The following DSTYK variants were observed in gnomAD, a reference collection of about 807,000 sequenced individuals.
DSTYK encodes RIP-homologous kinase.
DSTYK carries 34 observed loss-of-function variants against 98.7 expected under a neutral mutation model. The observed-to-expected ratio is 0.34, with a 90% CI of 0.26 to 0.46. The LOEUF (loss-of-function observed/expected upper bound fraction) is 0.46. Among genes scored for constraint, DSTYK ranks in the 20% least tolerant of loss-of-function variants. The pLI is 1.00. For synonymous variants in DSTYK, 462 were observed against 457.3 expected (o/e 1.01, Z -0.13); for missense variants, 962 against 1,181.7 (o/e 0.81, Z 2.73).
intron 1 of DSTYK, among the ~76,000 whole-genome samples, chr1:205,210,347 C>T (rs1431257719): frequency 1.3e-5 from 2 of 152,096 alleles, no homozygotes; most frequent in Non-Finnish European, 2.9e-5. Flanking sequence ...GTTTGAGAAT[C>T]ACTAAATTAA....
intron 9 of DSTYK, among the ~76,000 whole-genome samples, chr1:205,158,234 G>A (rs986162587): frequency 2.6e-5 from 4 of 152,156 alleles, no homozygotes; most frequent in Admixed American, 2.0e-4. Flanking sequence ...AAGCTGCTTG[G>A]AGAGTCATTT....
In DSTYK at chr1:205,163,884, C is replaced by T. The variant is rs765138099; in HGVS notation, c.1396G>A (p.Glu466Lys). The T allele has an allele frequency of 1.2e-6, 2 of 1,614,006 alleles. No homozygotes were observed. Among genetic ancestry groups the T allele is most frequent in the Admixed American group, 3.3e-5 (2 of 59,974 alleles). ...EIKCCIRQIQELIISRLNQAV... is the reference protein window; with the variant it reads ...EIKCCIRQIQKLIISRLNQAV... ...TGATTAAGTCGGGAGATGATGAGTT[C>T]CTGGATCTGTCGGATGCAGCATTTG... Residue 466 changes from glutamate (E) to lysine (K), a missense_variant, in exon 4 of 13, where the codon GAA (glutamate) becomes AAA (lysine). Coordinates refer to ENST00000367162, the MANE Select transcript of DSTYK (RefSeq NM_015375.3).
intron 2 of DSTYK, among the ~76,000 whole-genome samples, chr1:205,179,884 T>C (rs1658345702): frequency 6.6e-6 from 1 of 152,032 alleles, no homozygotes; most frequent in Non-Finnish European, 1.5e-5. Flanking sequence ...ACCCCATCCA[T>C]CCTCTACTCA....
At chr1:205,170,527 T>G (rs1424990139) in intron 2 of DSTYK, among the ~76,000 whole-genome samples, 1 of 152,210 alleles carries the variant, frequency 6.6e-6, no homozygotes, top group Non-Finnish European at 1.5e-5. Flanking sequence ...TCCTAAATAC[T>G]GTTGAATTAA....
chr1:205,174,044 T>C lies in DSTYK; in HGVS notation c.655-4212A>G, dbSNP rs550719539. On this transcript the variant is annotated intron_variant, in intron 2 of 12. Transcript: ENST00000367162. ...CCAATACTGTTTTTAAGAGACCAGC[T>C]GACTTTATTTGCTCATAGGTGTAAA... Among the ~76,000 whole-genome samples, 6 of 152,116 alleles carry C rather than the reference T, an allele frequency of 3.9e-5. No homozygotes were observed. In the East Asian group the frequency reaches 5.9e-4, roughly 15 times the overall value.
rs1268522260 is a variant in DSTYK at position 205,150,920 on chromosome 1, G to A, written c.2353-126C>T. 6.6e-6 allele frequency: 5 copies of A among 754,862 alleles called. No individual in the cohort carries two copies. Among genetic ancestry groups the A allele is most frequent in the Non-Finnish European group, 1.1e-5 (5 of 439,812 alleles). 46.8% of individuals were successfully genotyped at this position (754,862 alleles called of 1,614,324 possible). On this transcript the variant is annotated intron_variant, in intron 10 of 12. Transcript: ENST00000367162. This position sits in a 1 kb window ranked among gnomAD's most constrained non-coding sequence, Gnocchi z 4.1. ...GGATAGGATTATGCTCTGAAAATGA[G>A]TTGTCAGGTGATTTCATCCTTGTAC... is the stretch of plus-strand genomic sequence containing the variant.
chr1:205,158,327 C>T (rs1340796869), intron 9 of DSTYK, among the ~76,000 whole-genome samples: 1 of 152,136 alleles, frequency 6.6e-6, no homozygotes, highest in African/African-American at 2.4e-5. Flanking sequence ...TCCATATAAA[C>T]TGGTCCAAGA....
intron 9 of DSTYK, among the ~76,000 whole-genome samples, chr1:205,159,298 A>T (rs1657646476): frequency 6.6e-6 from 1 of 152,196 alleles, no homozygotes; most frequent in Non-Finnish European, 1.5e-5. Flanking sequence ...TCTATTGCCC[A>T]GACTCGTCTC....
chr1:205,193,269 C>T (rs750563606), intron 1 of DSTYK, among the ~76,000 whole-genome samples: 2 of 152,110 alleles, frequency 1.3e-5, no homozygotes, highest in African/African-American at 4.8e-5. Context: ...AGGAAATACT[C>T]GTGACCTGTT....
At position 205,211,514 on chromosome 1, in the gene DSTYK, A is replaced by G. The variant is rs761207358; in HGVS notation, c.22T>C (p.Trp8Arg). ...GGACCCGAGACGGGCTCGCTGCCCC[A>G]TGGCACCCCGTCGCCCTCCATCGCC... MEGDGVP[W>R]GSEPVSGPGP... Residue 8 changes from tryptophan (W) to arginine (R), a missense_variant, in exon 1 of 13, where the codon TGG becomes CGG. Trp to Arg is a moderately radical substitution (Grantham distance 101, BLOSUM62 -3). Coordinates refer to ENST00000367162, the MANE Select transcript of DSTYK (RefSeq NM_015375.3). 78 of 1,559,586 alleles carry G rather than the reference A, an allele frequency of 5.0e-5. No homozygotes were observed. Among genetic ancestry groups the G allele is most frequent in the Non-Finnish European group, 6.0e-5 (69 of 1,159,200 alleles).
chr1:205,168,003 G>A (rs992996342), intron 3 of DSTYK, among the ~76,000 whole-genome samples: 7 of 152,332 alleles, frequency 4.6e-5, no homozygotes, highest in Non-Finnish European at 8.8e-5. Flanking sequence ...TTACTCGGGA[G>A]GCTGAGGCAG....
rs532758181 is a variant in DSTYK, at chr1:205,170,471, T to C, written c.655-639A>G. On this transcript the variant is annotated intron_variant, in intron 2 of 12. Coordinates refer to ENST00000367162, the MANE Select transcript of DSTYK (RefSeq NM_015375.3). ...AAACTCTTTGAGGGCAGGGACTGGG[T>C]CTATTTTGCTTACTATCGTAGCTCC... 5.9e-5 allele frequency among the ~76,000 whole-genome samples: 9 copies of C among 152,318 alleles called. No homozygotes were observed. The East Asian group carries it at 1.4e-3, about 23-fold the overall frequency.
chr1:205,144,005 A>T lies in DSTYK; in HGVS notation c.*3553T>A, dbSNP rs1251922465. 6.6e-6 allele frequency: 1 copy of T among 152,642 alleles called. No homozygotes were observed. The highest frequency in any genetic ancestry group is 2.4e-5 in the African/African-American group (1 of 41,448). The allele number at this position is 152,642 out of a possible 1,614,324, so 9.5% of individuals were successfully genotyped here. ...TCCTGAAGCGCTTGCTCAGTCAATG[A>T]GCTACTCTTTGCAGAGGATCAGGGA... On this transcript the variant is annotated 3_prime_UTR_variant, in exon 13 of 13. Coordinates refer to ENST00000367162, the MANE Select transcript of DSTYK (RefSeq NM_015375.3).
At chr1:205,171,276 C>T (rs1453516309) in intron 2 of DSTYK, among the ~76,000 whole-genome samples, 3 of 151,770 alleles carry the variant, frequency 2.0e-5, no homozygotes, top group East Asian at 1.9e-4. Flanking sequence ...GATGGCAAAA[C>T]CCCATCTGTA....
At chr1:205,166,385 CTCA>C (rs1265149811) in intron 3 of DSTYK, among the ~76,000 whole-genome samples, 18 of 151,966 alleles carry the variant, frequency 1.2e-4, no homozygotes, top group Admixed American at 1.1e-3. Flanking sequence ...GGCACGATGG[CTCA>C]TACCTGTAAT....
chr1:205,201,068 G>A (rs938119439), intron 1 of DSTYK, among the ~76,000 whole-genome samples: 2 of 151,874 alleles, frequency 1.3e-5, no homozygotes, highest in African/African-American at 4.8e-5. Flanking sequence ...ACCATACCCG[G>A]CTAGTTTTGT....
At chr1:205,152,972 G>A (rs1657447877) in intron 10 of DSTYK, among the ~76,000 whole-genome samples, 1 of 152,148 alleles carries the variant, frequency 6.6e-6, no homozygotes, top group Non-Finnish European at 1.5e-5. Context: ...GAATGAGGAA[G>A]TACAGGTCCA....
chr1:205,210,280 G>C (rs187543424), intron 1 of DSTYK, among the ~76,000 whole-genome samples: 2 of 152,242 alleles, frequency 1.3e-5, no homozygotes, highest in Admixed American at 6.5e-5. Flanking sequence ...TTATGAGCTA[G>C]AGCACGAGAC....
chr1:205,152,640 C>T (rs1657439070), intron 10 of DSTYK, among the ~76,000 whole-genome samples: 1 of 152,070 alleles, frequency 6.6e-6, no homozygotes, highest in South Asian at 2.1e-4. Context: ...AGGCTTGGAA[C>T]CAGAAGTGTT....
Sources: gnomAD v4.1 joint callset for allele counts (sites outside exome capture counted in the v4.1 genomes callset) on GRCh38, gnomAD v4.1.1 for gene constraint, Gnocchi (gnomAD v3.1) non-coding constraint, MANE v1.5 for transcripts, NCBI Gene and HGNC (gene_info 2026-07-23, HGNC 2026-07-21) for gene names.